FERMT3: variants seen among roughly 807,000 people sequenced by gnomAD.
FERMT3 encodes the protein fermitin family homolog 3.
FERMT3 carries 33 observed loss-of-function variants against 80.8 expected under a neutral mutation model. The observed-to-expected ratio is 0.41, with a 90% CI of 0.31 to 0.55. FERMT3 has a LOEUF of 0.55. Ranked by LOEUF, FERMT3 falls within the 20% of genes least tolerant of loss-of-function variation. The pLI is 0.31. For synonymous variants in FERMT3, 375 were observed against 372.2 expected (o/e 1.01, Z -0.09); for missense variants, 754 against 908.7 (o/e 0.83, Z 2.19).
chr11:64,210,309 G>T lies in FERMT3; in HGVS notation c.161-302G>T, dbSNP rs1255777115. On this transcript the variant is annotated intron_variant, in intron 2 of 14. Transcript: ENST00000345728. This position sits in a 1 kb window ranked among gnomAD's most constrained non-coding sequence, Gnocchi z 4.3. ...ACAGAGGGGGCGTCATGTGGAGGGAGCCCAGTGGGCTGGAATGCAAGAGAT... is the reference window on the plus strand; with the variant it reads ...ACAGAGGGGGCGTCATGTGGAGGGATCCCAGTGGGCTGGAATGCAAGAGAT... Among the ~76,000 whole-genome samples, 4 of 152,206 alleles carry T rather than the reference G, an allele frequency of 2.6e-5. No individual in the cohort carries two copies. Among genetic ancestry groups the T allele is most frequent in the Non-Finnish European group, 5.9e-5 (4 of 68,036 alleles).
chr11:64,206,019 AC>A (rs1946305502), upstream of FERMT3, among the ~76,000 whole-genome samples: 1 of 152,096 alleles, frequency 6.6e-6, no homozygotes, highest in Non-Finnish European at 1.5e-5. Context: ...ACCACCAGAG[AC>A]CCCTGAGGTG....
At position 64,207,554 on chromosome 11, in the gene FERMT3, C is replaced by T. The variant is rs375314540; in HGVS notation, c.160+30C>T. On this transcript the variant is annotated intron_variant, in intron 2 of 14. Coordinates refer to ENST00000345728, the MANE Select transcript of FERMT3 (RefSeq NM_031471.6). ...GTGTCCGCTGCCCGCTTGCTGAACT[C>T]GGCACCATGGGCGGCCGCCACGGGT... 2.8e-4 allele frequency: 448 copies of T among 1,581,280 alleles called. 1 individual carries two copies. The highest frequency in any genetic ancestry group is 8.0e-4 in the Middle Eastern group (4 of 5,020).
intron 2 of FERMT3, among the ~76,000 whole-genome samples, chr11:64,209,627 C>T (rs1347386090): frequency 6.6e-6 from 1 of 152,182 alleles, no homozygotes; most frequent in African/African-American, 2.4e-5. Flanking sequence ...GGGAAGGGCC[C>T]AGCCTGGGAG....
At chr11:64,206,908 A>C (rs925191952) in intron 1 of FERMT3, 94 bp downstream of exon 1, 1 of 161,344 alleles carries the variant, frequency 6.2e-6, no homozygotes, top group African/African-American at 2.4e-5. Flanking sequence ...GGCAGCCTGA[A>C]CTTTCCACCT....
At chr11:64,208,095 G>A (rs184646539) in intron 2 of FERMT3, among the ~76,000 whole-genome samples, 53 of 151,872 alleles carry the variant, frequency 3.5e-4, no homozygotes, top group Non-Finnish European at 6.2e-4. Flanking sequence ...AGGCAGAGCC[G>A]GAAGACAGGC....
chr11:64,218,000 CTTTTTT>C (rs34718711), intron 6 of FERMT3, among the ~76,000 whole-genome samples: 7 of 119,496 alleles, frequency 5.9e-5, no homozygotes, highest in South Asian at 5.3e-4. Flanking sequence ...TTCCTTTTTC[CTTTTTT>C]TTTTTTTTTT....
chr11:64,209,508 C>T (rs569873264), intron 2 of FERMT3, among the ~76,000 whole-genome samples: 34 of 152,036 alleles, frequency 2.2e-4, no homozygotes, highest in Non-Finnish European at 4.4e-5. Context: ...GGTAAGGGGC[C>T]GGTCAGGAGA....
At position 64,210,798 on chromosome 11, in the gene FERMT3, C is replaced by A. The variant is rs1394123899; in HGVS notation, c.348C>A (p.Phe116Leu). 1 of 1,613,836 alleles carries A rather than the reference C, an allele frequency of 6.2e-7. No individual in the cohort carries two copies. Among genetic ancestry groups the A allele is most frequent in the East Asian group, 2.2e-5 (1 of 44,884 alleles). The change falls in exon 3 of 15, where the codon TTC (phenylalanine) becomes TTA (leucine). Residue 116 changes from phenylalanine (F) to leucine (L), a missense_variant. By Grantham distance (22) the Phe-to-Leu change is conservative. Transcript: ENST00000345728. The surrounding 1 kb of genome is among the most constrained non-coding windows in gnomAD (Gnocchi z 4.3). Reference sequence around the variant, plus strand: ...GCGCACTGCGCCTCCGTGCCAGCTTCTCCCAGCCCCTCTTCCAGGCTGTGG... The same window carrying A: ...GCGCACTGCGCCTCCGTGCCAGCTTATCCCAGCCCCTCTTCCAGGCTGTGG... ...NRRALRLRAS[F>L]SQPLFQAVAA...
Position 64,211,710 on chromosome 11 carries a change from G to A in FERMT3, c.749G>A (p.Arg250His), listed in dbSNP as rs764034289. Residue 250 changes from arginine (R) to histidine (H), a missense_variant, in exon 6 of 15, where the codon CGC (arginine) becomes CAC (histidine). By Grantham distance (29) the Arg-to-His change is conservative. Transcript: ENST00000345728. The surrounding 1 kb of genome is among the most constrained non-coding windows in gnomAD (Gnocchi z 4.7). ...AAGGCCGGGGACGCACTCTGGCTGC[G>A]CTTCAAGTACTACAGCTTCTTCGAT... ...GIKAGDALWL[R>H]FKYYSFFDLD... The A allele has an allele frequency of 2.6e-5, 42 of 1,614,068 alleles. No homozygotes were observed. Among genetic ancestry groups the A allele is most frequent in the Non-Finnish European group, 3.1e-5 (37 of 1,180,042 alleles).
chr11:64,222,223 C>T (rs1026914872), intron 13 of FERMT3, among the ~76,000 whole-genome samples: 46 of 133,984 alleles, frequency 3.4e-4, no homozygotes, highest in Non-Finnish European at 3.9e-4. Flanking sequence ...TGGGTGCGAA[C>T]GAGTGAGACT....
chr11:64,219,223 C>T lies in FERMT3; in HGVS notation c.787-28C>T. ...GGCAGCTGGCATCTGACCAGCCCAG[C>T]CTCCAGCCTCCTCTCCCCCCGCTCC... is the stretch of plus-strand genomic sequence containing the variant. On this transcript the variant is annotated intron_variant, in intron 6 of 14. Transcript: ENST00000345728. The surrounding 1 kb of genome is among the most constrained non-coding windows in gnomAD (Gnocchi z 4.0). 1.3e-6 allele frequency: 2 copies of T among 1,555,534 alleles called. No homozygotes were observed. The highest frequency in any genetic ancestry group is 2.4e-5 in the South Asian group (2 of 84,772).
At chr11:64,212,390 C>T (rs940638117) in intron 6 of FERMT3, among the ~76,000 whole-genome samples, 4 of 152,218 alleles carry the variant, frequency 2.6e-5, no homozygotes, top group African/African-American at 9.7e-5. Context: ...ACGCTTGCTC[C>T]GCAGAATCCC....
Position 64,219,945 on chromosome 11 carries a change from G to T in FERMT3, c.1134G>T (p.Glu378Asp), listed in dbSNP as rs749680084. 6.2e-7 allele frequency: 1 copy of T among 1,613,910 alleles called. No individual in the cohort carries two copies. Among genetic ancestry groups the T allele is most frequent in the Admixed American group, 1.7e-5 (1 of 60,026 alleles). Residue 378 changes from glutamate (E) to aspartate (D), a missense_variant, in exon 10 of 15, where the codon GAG becomes GAT. Coordinates refer to ENST00000345728, the MANE Select transcript of FERMT3 (RefSeq NM_031471.6). The surrounding 1 kb of genome is among the most constrained non-coding windows in gnomAD (Gnocchi z 4.0). Reference sequence around the variant, plus strand: ...GCCAACACTGGGTGGTGTTCAAGGAGACCACACTGTCCTACTACAAGAGCC... The same window carrying T: ...GCCAACACTGGGTGGTGTTCAAGGATACCACACTGTCCTACTACAAGAGCC... Reference protein sequence around the residue: ...GYRQHWVVFKETTLSYYKSQD... With the variant: ...GYRQHWVVFKDTTLSYYKSQD...
In FERMT3 at chr11:64,211,603, G is replaced by C. The variant is rs749654633; in HGVS notation, c.684-42G>C. 1.9e-6 allele frequency: 3 copies of C among 1,579,128 alleles called. No homozygotes were observed. The highest frequency in any genetic ancestry group is 2.6e-6 in the Non-Finnish European group (3 of 1,154,664). Reference sequence around the variant, plus strand: ...CAGCCCCCCTCCCCACCCCACGGCCGTACCTGGCGCAGCCCTGACTGCTGC... The same window carrying C: ...CAGCCCCCCTCCCCACCCCACGGCCCTACCTGGCGCAGCCCTGACTGCTGC... On this transcript the variant is annotated intron_variant, in intron 5 of 14. Transcript: ENST00000345728. This position sits in a 1 kb window ranked among gnomAD's most constrained non-coding sequence, Gnocchi z 4.7.
At chr11:64,207,189 A>T (rs1946329111) in intron 1 of FERMT3, among the ~76,000 whole-genome samples, 162 bp from the exon 2 acceptor site, 1 of 152,006 alleles carries the variant, frequency 6.6e-6, no homozygotes, top group South Asian at 2.1e-4. Context: ...CTGGAGAGAG[A>T]GTCTGAGGGT....
upstream of FERMT3, among the ~76,000 whole-genome samples, chr11:64,206,077 G>A (rs2134823947): frequency 6.6e-6 from 1 of 152,228 alleles, no homozygotes; most frequent in Non-Finnish European, 1.5e-5. Flanking sequence ...GGGGACTCGG[G>A]GAGGCTCATC....
At position 64,210,794 on chromosome 11, in the gene FERMT3, G is replaced by A; in HGVS notation, c.344G>A (p.Ser115Asn). 3 of 1,613,836 alleles carry A rather than the reference G, an allele frequency of 1.9e-6. No homozygotes were observed. The highest frequency in any genetic ancestry group is 2.5e-6 in the Non-Finnish European group (3 of 1,180,008). Residue 115 changes from serine to asparagine, a missense_variant, in exon 3 of 15, where the codon AGC (serine) becomes AAC (asparagine). Ser to Asn is a conservative substitution (Grantham distance 46). Coordinates refer to ENST00000345728, the MANE Select transcript of FERMT3 (RefSeq NM_031471.6). The surrounding 1 kb of genome is among the most constrained non-coding windows in gnomAD (Gnocchi z 4.3). Reference protein sequence around the residue: ...PNRRALRLRASFSQPLFQAVA... With the variant: ...PNRRALRLRANFSQPLFQAVA... ...CGCCGCGCACTGCGCCTCCGTGCCA[G>A]CTTCTCCCAGCCCCTCTTCCAGGCT...
intron 6 of FERMT3, among the ~76,000 whole-genome samples, chr11:64,216,265 C>T (rs1393438969): frequency 5.4e-5 from 8 of 148,652 alleles, no homozygotes; most frequent in African/African-American, 1.5e-4. Context: ...GGCAAGATCT[C>T]GGCTCACTGC....
chr11:64,220,103 G>A, intron 10 of FERMT3, 88 bp downstream of exon 10: 1 of 1,587,260 alleles, frequency 6.3e-7, no homozygotes, highest in Admixed American at 1.7e-5. Flanking sequence ...GTTTCCTCCT[G>A]GAGACCGGGG....
Sources: allele counts gnomAD v4.1 joint callset (sites outside exome capture counted in the v4.1 genomes callset), GRCh38; gene constraint gnomAD v4.1.1; non-coding constraint Gnocchi (gnomAD v3.1); transcripts MANE v1.5; gene names NCBI Gene and HGNC (gene_info 2026-07-23, HGNC 2026-07-21).